The following MECOM variants were observed in gnomAD, a reference collection of about 807,000 sequenced individuals.
The protein encoded by MECOM is histone-lysine N-methyltransferase MECOM.
MECOM carries 13 observed loss-of-function variants against 116.3 expected under a neutral mutation model. That is an observed-to-expected ratio of 0.11 (90% CI 0.07 to 0.18). MECOM has a LOEUF of 0.18. Among genes scored for constraint, MECOM ranks in the 10% least tolerant of loss-of-function variants. The probability of loss-of-function intolerance (pLI) is 1.00; values close to 1 mark genes in which losing one functional copy is unlikely to be tolerated. For missense variants in MECOM, 1,299 were observed against 1,509.0 expected, an observed-to-expected ratio of 0.86 and a Z score of 2.31; for synonymous variants, 528 against 535.2, an observed-to-expected ratio of 0.99 and a Z score of 0.19.
chr3:169,142,078 G>A (rs2149276267), intron 3 of MECOM, among the ~76,000 whole-genome samples: 1 of 151,970 alleles, frequency 6.6e-6, no homozygotes, highest in Non-Finnish European at 1.5e-5. Flanking sequence ...CTAATGAGTA[G>A]CCTAATTCAT....
intron 2 of MECOM, among the ~76,000 whole-genome samples, chr3:169,359,900 G>A (rs1341146303): frequency 6.6e-6 from 1 of 151,750 alleles, no homozygotes; most frequent in Non-Finnish European, 1.5e-5. Context: ...AAGAATCATA[G>A]CATGTGGTAG....
chr3:169,434,218 TG>T (rs1273814947), intron 1 of MECOM, among the ~76,000 whole-genome samples: 2 of 152,196 alleles, frequency 1.3e-5, no homozygotes, highest in African/African-American at 2.4e-5. Context: ...TTGAACATTC[TG>T]GGGAAAATAA....
At chr3:169,465,991 C>T (rs935777620) in intron 1 of MECOM, among the ~76,000 whole-genome samples, 3 of 152,306 alleles carry the variant, frequency 2.0e-5, no homozygotes, top group African/African-American at 7.2e-5. Flanking sequence ...GTGTAAAAAT[C>T]ACATGTCCTT....
rs191448235 is a variant in MECOM at position 169,231,570 on chromosome 3, G to A, written c.376-87738C>T. Among the ~76,000 whole-genome samples the A allele has an allele frequency of 3.7e-3, 570 of 152,186 alleles. 1 individual carries two copies. The highest frequency in any genetic ancestry group is 6.8e-3 in the Middle Eastern group (2 of 294). On this transcript the variant is annotated intron_variant, in intron 2 of 16. Transcript: ENST00000651503. Reference sequence around the variant, plus strand: ...GCTGTAGTCAGAGAAAACAGCTGTAGTCAGAGAAGTCCCTACTGAGGAAAT... The same window carrying A: ...GCTGTAGTCAGAGAAAACAGCTGTAATCAGAGAAGTCCCTACTGAGGAAAT...
At chr3:169,632,787 TTTTG>T in intron 1 of MECOM, among the ~76,000 whole-genome samples, 1 of 152,326 alleles carries the variant, frequency 6.6e-6, no homozygotes, top group Non-Finnish European at 1.5e-5. Context: ...AGGTCTTTAT[TTTTG>T]TTTGGTTTGA....
At position 169,121,087 on chromosome 3, in the gene MECOM, C is replaced by T. The variant is rs1577031602; in HGVS notation, c.1101G>A (p.Lys367=). The change falls in exon 7 of 17, where the codon AAG becomes AAA. Residue 367 remains lysine (K), a synonymous_variant. Transcript: ENST00000651503. ...FATSSGLKQH[K]HIHSSVKPFI... is the part of the protein sequence containing the mutation. Reference sequence around the variant, plus strand: ...AGGGCTTCACACTGCTGTGGATGTGCTTGTGTTGTTTGAGGCCCGACGAAG... The same window carrying T: ...AGGGCTTCACACTGCTGTGGATGTGTTTGTGTTGTTTGAGGCCCGACGAAG... 2 of 1,613,350 alleles carry T rather than the reference C, an allele frequency of 1.2e-6. No individual in the cohort carries two copies. Among genetic ancestry groups the T allele is most frequent in the East Asian group, 4.5e-5 (2 of 44,852 alleles).
At chr3:169,380,711 C>T (rs1288087433) in intron 2 of MECOM, among the ~76,000 whole-genome samples, 3 of 151,940 alleles carry the variant, frequency 2.0e-5, no homozygotes, top group African/African-American at 7.2e-5. Context: ...AAAAGAGAGG[C>T]AAAATATATT....
intron 1 of MECOM, among the ~76,000 whole-genome samples, chr3:169,609,087 G>C (rs1703994869): frequency 6.6e-6 from 1 of 152,160 alleles, no homozygotes; most frequent in Non-Finnish European, 1.5e-5. Context: ...AATCTCTGCA[G>C]ACATTACAAA....
Position 169,170,970 on chromosome 3 carries a change from C to A in MECOM, c.376-27138G>T, listed in dbSNP as rs534150480. On this transcript the variant is annotated intron_variant, in intron 2 of 16. Coordinates refer to ENST00000651503, the MANE Select transcript of MECOM (RefSeq NM_004991.4). ...AGCCTTCCATATAGATATGATAAAA[C>A]CCCAAAATGGATATTCTGCTTTCAA... 8.5e-5 allele frequency among the ~76,000 whole-genome samples: 13 copies of A among 152,226 alleles called. No individual in the cohort carries two copies. The South Asian group carries it at 2.7e-3, about 32-fold the overall frequency.
chr3:169,360,680 C>G (rs1372037239), intron 2 of MECOM, among the ~76,000 whole-genome samples: 2 of 151,472 alleles, frequency 1.3e-5, no homozygotes, highest in Admixed American at 1.3e-4. Context: ...GAGAAGAGCC[C>G]AGGGGGGAAA....
chr3:169,479,451 G>A (rs897740099), intron 1 of MECOM, among the ~76,000 whole-genome samples: 6 of 151,986 alleles, frequency 3.9e-5, no homozygotes, highest in South Asian at 2.1e-4. Context: ...TGGAGGAGAC[G>A]GTCACAAGGG....
chr3:169,116,136 C>T lies in MECOM; in HGVS notation c.1736G>A (p.Ser579Asn). 1 of 1,614,176 alleles carries T rather than the reference C, an allele frequency of 6.2e-7. No individual in the cohort carries two copies. The change falls in exon 8 of 17, where the codon AGT becomes AAT. Residue 579 changes from serine to asparagine, a missense_variant. By Grantham distance (46) the Ser-to-Asn change is conservative. Transcript: ENST00000651503. Reference sequence around the variant, plus strand: ...TGTACTGACATCATCAAGGTCACTACTCTCTGACTGGTCACTGATTTTCTC... The same window carrying T: ...TGTACTGACATCATCAAGGTCACTATTCTCTGACTGGTCACTGATTTTCTC... ...PFEKISDQSE[S>N]SDLDDVSTPS...
chr3:169,289,924 T>C (rs987831570), intron 2 of MECOM, among the ~76,000 whole-genome samples: 3 of 152,170 alleles, frequency 2.0e-5, no homozygotes, highest in Non-Finnish European at 4.4e-5. Context: ...TAAAAGTAGC[T>C]TGGTGAGCCC....
intron 2 of MECOM, among the ~76,000 whole-genome samples, chr3:169,188,170 C>T (rs192943809): frequency 1.3e-5 from 2 of 152,016 alleles, no homozygotes; most frequent in Admixed American, 6.6e-5. Context: ...ACCTGACAAC[C>T]TTTTTTCCTT....
intron 2 of MECOM, among the ~76,000 whole-genome samples, chr3:169,170,804 A>C (rs931509222): frequency 6.6e-6 from 1 of 152,222 alleles, no homozygotes; most frequent in South Asian, 2.1e-4. Context: ...AATTCTATTA[A>C]CCCATTTAAA....
In MECOM at chr3:169,174,467, C is replaced by T. The variant is rs185982994; in HGVS notation, c.376-30635G>A. Among the ~76,000 whole-genome samples the T allele has an allele frequency of 1.4e-4, 21 of 152,146 alleles. No individual in the cohort carries two copies. In the East Asian group the frequency reaches 4.1e-3, roughly 29 times the overall value. Reference sequence around the variant, plus strand: ...AGGACAGGTAGAAAAATTATAATTGCAAAGAATGTGATGCAAGAAAAATCT... The same window carrying T: ...AGGACAGGTAGAAAAATTATAATTGTAAAGAATGTGATGCAAGAAAAATCT... On this transcript the variant is annotated intron_variant, in intron 2 of 16. Transcript: ENST00000651503.
At chr3:169,549,281 C>T (rs531003635) in intron 1 of MECOM, among the ~76,000 whole-genome samples, 1 of 152,014 alleles carries the variant, frequency 6.6e-6, no homozygotes, top group Non-Finnish European at 1.5e-5. Flanking sequence ...CGACACTTGT[C>T]TCTGTATAAC....
chr3:169,494,504 C>G (rs1019047860), intron 1 of MECOM, among the ~76,000 whole-genome samples: 15 of 152,194 alleles, frequency 9.9e-5, no homozygotes, highest in African/African-American at 2.7e-4. Context: ...AAAGATCAAA[C>G]TATTCTCAAG....
chr3:169,254,305 T>A (rs913858991), intron 2 of MECOM, among the ~76,000 whole-genome samples: 5 of 152,158 alleles, frequency 3.3e-5, no homozygotes, highest in Admixed American at 6.5e-5. Flanking sequence ...TCAACAGAGT[T>A]GGTCCCTAAA....
Sources: gnomAD v4.1 joint callset for allele counts (sites outside exome capture counted in the v4.1 genomes callset) on GRCh38, gnomAD v4.1.1 for gene constraint, MANE v1.5 for transcripts, NCBI Gene and HGNC (gene_info 2026-07-23, HGNC 2026-07-21) for gene names.